Variants in MRTFA observed in about 807,000 individuals in gnomAD.
MRTFA encodes myocardin-related transcription factor A.
MRTFA carries 20 observed loss-of-function variants against 83.5 expected under a neutral mutation model. That is an observed-to-expected ratio of 0.24 (90% confidence interval 0.17 to 0.35). MRTFA has a LOEUF of 0.35. Ranked by LOEUF, MRTFA falls within the 10% of genes least tolerant of loss-of-function variation. The pLI, the probability that MRTFA is intolerant of heterozygous loss-of-function variation, is 1.00. For synonymous variants in MRTFA, 659 were observed against 541.2 expected, an observed-to-expected ratio of 1.22 and a Z score of -3.02; for missense variants, 1,200 against 1,224.7, an observed-to-expected ratio of 0.98 and a Z score of 0.30.
chr22:40,432,687 G>GAAA (rs71199286), intron 5 of MRTFA, among the ~76,000 whole-genome samples: 1 of 145,568 alleles, frequency 6.9e-6, no homozygotes, highest in Non-Finnish European at 1.5e-5. Flanking sequence ...TGAAGAAAAA[G>GAAA]AAAAAAAAAA....
intron 1 of MRTFA, among the ~76,000 whole-genome samples, chr22:40,600,158 ATCTC>A (rs956993738): frequency 1.3e-5 from 2 of 152,092 alleles, no homozygotes; most frequent in Admixed American, 6.6e-5. Context: ...AAAAATCTTA[ATCTC>A]TCTCTGCCTG....
intron 3 of MRTFA, among the ~76,000 whole-genome samples, chr22:40,549,683 G>C (rs1439347266): frequency 6.6e-6 from 1 of 152,176 alleles, no homozygotes; most frequent in Non-Finnish European, 1.5e-5. Flanking sequence ...TAAGTTGTGG[G>C]TTATTTTGTA....
At chr22:40,419,509 A>T in intron 11 of MRTFA, 125 bp from the exon 12 acceptor site, 1 of 813,846 alleles carries the variant, frequency 1.2e-6, no homozygotes, top group Non-Finnish European at 2.0e-6. Flanking sequence ...ATCCTCCAGC[A>T]GCCTGGAGGG....
chr22:40,463,027 A>C (rs372330250), intron 4 of MRTFA, among the ~76,000 whole-genome samples, 194 bp downstream of exon 4: 12 of 152,220 alleles, frequency 7.9e-5, no homozygotes, highest in African/African-American at 2.9e-4. Context: ...AGTTTGTTTC[A>C]CTGAACTTGA....
chr22:40,520,565 C>T (rs2054848601), intron 3 of MRTFA, among the ~76,000 whole-genome samples: 1 of 152,132 alleles, frequency 6.6e-6, no homozygotes. Context: ...TGCCACCAGC[C>T]TGGCTAATTT....
At chr22:40,636,350 G>C (rs569687773) in intron 1 of MRTFA, 128 bp downstream of exon 1, 1 of 152,458 alleles carries the variant, frequency 6.6e-6, no homozygotes, top group South Asian at 2.0e-4. Flanking sequence ...GAAGAGGGCA[G>C]GGGACGCGAG....
intron 3 of MRTFA, among the ~76,000 whole-genome samples, chr22:40,543,046 C>G (rs1432704001): frequency 1.3e-5 from 2 of 152,096 alleles, no homozygotes; most frequent in African/African-American, 4.8e-5. Flanking sequence ...TTGATTATCT[C>G]TAAGTACTGG....
At chr22:40,614,475 G>A (rs939352865) in intron 1 of MRTFA, among the ~76,000 whole-genome samples, 1 of 151,644 alleles carries the variant, frequency 6.6e-6, no homozygotes, top group Admixed American at 6.6e-5. Flanking sequence ...ACATGTTTTG[G>A]ACATTCATAA....
intron 4 of MRTFA, among the ~76,000 whole-genome samples, chr22:40,441,816 G>GTATATA (rs754885390): frequency 3.3e-5 from 4 of 119,970 alleles, no homozygotes; most frequent in Non-Finnish European, 7.4e-5. Context: ...ATGTATGTAT[G>GTATATA]TGTATATATA....
At chr22:40,469,682 TGGAACACTCCCCA>T (rs1352092072) in intron 3 of MRTFA, among the ~76,000 whole-genome samples, 4 of 152,068 alleles carry the variant, frequency 2.6e-5, no homozygotes, top group African/African-American at 9.7e-5. Flanking sequence ...CAAGCACACA[TGGAACACTCCCCA>T]GGTCACAACA....
intron 2 of MRTFA, among the ~76,000 whole-genome samples, chr22:40,571,496 TCA>T (rs1314647296): frequency 1.3e-5 from 2 of 151,920 alleles, no homozygotes; most frequent in African/African-American, 4.8e-5. Flanking sequence ...AAAAGAAAAC[TCA>T]CAGATGAGAA....
At chr22:40,432,107 G>A (rs2053079686) in intron 5 of MRTFA, among the ~76,000 whole-genome samples, 1 of 152,066 alleles carries the variant, frequency 6.6e-6, no homozygotes, top group African/African-American at 2.4e-5. Flanking sequence ...TTAGCCAGAT[G>A]TGGTGGCTGG....
intron 3 of MRTFA, chr22:40,522,079 T>C (rs2054878784): frequency 6.6e-6 from 1 of 152,136 alleles, no homozygotes; most frequent in African/African-American, 2.4e-5. Flanking sequence ...GGTCTCGATC[T>C]CCTGACTTCG....
At chr22:40,437,099 G>A (rs1190927350) in intron 4 of MRTFA, among the ~76,000 whole-genome samples, 5 of 152,128 alleles carry the variant, frequency 3.3e-5, no homozygotes, top group Non-Finnish European at 7.3e-5. Flanking sequence ...ACAGAAGGGG[G>A]AGCTCTAGAT....
At chr22:40,541,099 TAA>T (rs939121929) in intron 3 of MRTFA, among the ~76,000 whole-genome samples, 10 of 152,122 alleles carry the variant, frequency 6.6e-5, no homozygotes, top group African/African-American at 2.4e-4. Flanking sequence ...TCAGGAATAT[TAA>T]GTCAATGAGA....
chr22:40,411,900 T>C lies in MRTFA; in HGVS notation c.2586A>G (p.Ser862=). ...GGGATGGCGGCTCCTTGAAATCTGC[T>C]GAAATTTCTGCCAATCAATCAAGAG... The change falls in exon 15 of 15, where the codon TCA becomes TCG. Residue 862 remains serine, a synonymous_variant. Coordinates refer to ENST00000355630, the MANE Select transcript of MRTFA (RefSeq NM_020831.6). 6.8e-7 allele frequency: 1 copy of C among 1,477,730 alleles called. No homozygotes were observed. The highest frequency in any genetic ancestry group is 1.4e-5 in the African/African-American group (1 of 70,986). 91.5% of individuals were successfully genotyped at this position (1,477,730 alleles called of 1,614,324 possible).
intron 2 of MRTFA, among the ~76,000 whole-genome samples, chr22:40,557,752 T>C (rs1433841720): frequency 6.6e-6 from 1 of 152,136 alleles, no homozygotes; most frequent in Non-Finnish European, 1.5e-5. Flanking sequence ...CAATTATTTT[T>C]AGATGTCTTG....
intron 3 of MRTFA, among the ~76,000 whole-genome samples, chr22:40,486,393 A>G (rs1468816160): frequency 6.6e-6 from 1 of 152,204 alleles, no homozygotes; most frequent in Non-Finnish European, 1.5e-5. Context: ...TTATTCAATG[A>G]ATCTAATTAC....
chr22:40,482,084 G>A (rs922317948), intron 3 of MRTFA, among the ~76,000 whole-genome samples: 1 of 151,756 alleles, frequency 6.6e-6, no homozygotes, highest in Non-Finnish European at 1.5e-5. Context: ...AAGAAATGAG[G>A]ACTCTAATGT....
Sources: allele counts gnomAD v4.1 joint callset (sites outside exome capture counted in the v4.1 genomes callset), GRCh38; gene constraint gnomAD v4.1.1; transcripts MANE v1.5; gene names NCBI Gene and HGNC (gene_info 2026-07-23, HGNC 2026-07-21).